The following SEZ6L variants were observed in gnomAD, a reference collection of about 807,000 sequenced individuals.
SEZ6L encodes seizure related 6 homolog like.
In SEZ6L, 37 loss-of-function variants were observed where a neutral mutation model predicts 106.2. The ratio of observed to expected loss-of-function variants is 0.35; its 90% confidence interval spans 0.27 to 0.46. The LOEUF (loss-of-function observed/expected upper bound fraction) is 0.46. Ranked by LOEUF, SEZ6L falls within the 20% of genes least tolerant of loss-of-function variation. The pLI is 1.00. For missense variants in SEZ6L, 1,172 were observed against 1,332.8 expected (o/e 0.88, Z 1.88); for synonymous variants, 541 against 570.4 (o/e 0.95, Z 0.73).
At chr22:26,347,339 A>G (rs897387321) in intron 10 of SEZ6L, among the ~76,000 whole-genome samples, 6 of 152,160 alleles carry the variant, frequency 3.9e-5, no homozygotes, top group African/African-American at 9.7e-5. Context: ...GACATCTGGT[A>G]AGCAGCGGCC....
At chr22:26,350,238 A>G (rs2083230901) in intron 11 of SEZ6L, among the ~76,000 whole-genome samples, 1 of 149,118 alleles carries the variant, frequency 6.7e-6, no homozygotes, top group Non-Finnish European at 1.5e-5. Context: ...ATTTATATGT[A>G]TTTTTTTGAG....
chr22:26,356,695 A>G (rs2083447960), intron 12 of SEZ6L, among the ~76,000 whole-genome samples: 1 of 149,986 alleles, frequency 6.7e-6, no homozygotes. Flanking sequence ...AATAATAATG[A>G]CAATTGCTGC....
chr22:26,180,510 A>T (rs917620391), intron 1 of SEZ6L, among the ~76,000 whole-genome samples: 1 of 152,258 alleles, frequency 6.6e-6, no homozygotes, highest in African/African-American at 2.4e-5. Context: ...GCTATGACTC[A>T]AAAGTGTTTG....
At chr22:26,375,099 G>A (rs549424928) in intron 14 of SEZ6L, among the ~76,000 whole-genome samples, 8 of 152,046 alleles carry the variant, frequency 5.3e-5, no homozygotes, top group Non-Finnish European at 7.4e-5. Flanking sequence ...GAAACCTTGC[G>A]GCTGACCACC....
rs753000331 is a variant in SEZ6L at position 26,189,966 on chromosome 22, G to A, written c.94+20203G>A. ...CAAAAAATTAGCTGGGCGTGGTGGC[G>A]GGCACCTGTGGTCCCAGTTACTCGG... On this transcript the variant is annotated intron_variant, in intron 1 of 16. Coordinates refer to ENST00000248933, the MANE Select transcript of SEZ6L (RefSeq NM_021115.5). 1.5e-4 allele frequency among the ~76,000 whole-genome samples: 23 copies of A among 152,036 alleles called. 1 individual carries two copies. Among genetic ancestry groups the A allele is most frequent in the Admixed American group, 2.6e-4 (4 of 15,262 alleles).
At chr22:26,213,902 T>C (rs2078228944) in intron 1 of SEZ6L, among the ~76,000 whole-genome samples, 1 of 151,972 alleles carries the variant, frequency 6.6e-6, no homozygotes, top group African/African-American at 2.4e-5. Flanking sequence ...GTTTGAGCAA[T>C]AAAATGAGAT....
chr22:26,248,869 G>A (rs564676572), intron 1 of SEZ6L, among the ~76,000 whole-genome samples: 12 of 152,170 alleles, frequency 7.9e-5, no homozygotes, highest in South Asian at 4.1e-4. Context: ...TGGCTGAAGC[G>A]GCTATGCAAG....
intron 9 of SEZ6L, among the ~76,000 whole-genome samples, chr22:26,321,738 C>G (rs2082160499): frequency 6.6e-6 from 1 of 152,148 alleles, no homozygotes; most frequent in African/African-American, 2.4e-5. Flanking sequence ...CTCAGCCCTC[C>G]TAAGTGTTTG....
At chr22:26,219,419 T>C (rs527344721) in intron 1 of SEZ6L, among the ~76,000 whole-genome samples, 2 of 152,216 alleles carry the variant, frequency 1.3e-5, no homozygotes, top group South Asian at 4.2e-4. Context: ...ATATAGACAG[T>C]TTGAAAGAAT....
chr22:26,375,318 T>C (rs1053939919), intron 14 of SEZ6L, among the ~76,000 whole-genome samples: 4 of 152,174 alleles, frequency 2.6e-5, no homozygotes, highest in Admixed American at 2.0e-4. Context: ...AAAATGGGAA[T>C]GGTACGATCA....
At position 26,288,079 on chromosome 22, in the gene SEZ6L, C is replaced by A. The variant is rs112643278; in HGVS notation, c.95-4327C>A. On this transcript the variant is annotated intron_variant, in intron 1 of 16. Transcript: ENST00000248933. ...GCCAGTTGGGGAATCTGTTTTCTTGCATTTCCTTCTGTTCTTTTGACTGTA... is the reference window on the plus strand; with the variant it reads ...GCCAGTTGGGGAATCTGTTTTCTTGAATTTCCTTCTGTTCTTTTGACTGTA... Among the ~76,000 whole-genome samples the A allele has an allele frequency of 3.2e-3, 495 of 152,330 alleles. 5 individuals are homozygous for A. The highest frequency in any genetic ancestry group is 0.01 in the African/African-American group (433 of 41,566).
At chr22:26,343,341 A>T (rs1164837269) in intron 10 of SEZ6L, among the ~76,000 whole-genome samples, 1 of 146,466 alleles carries the variant, frequency 6.8e-6, no homozygotes, top group South Asian at 2.3e-4. Flanking sequence ...AAAAAAAAAA[A>T]ACTGACTGAC....
At chr22:26,287,239 G>A (rs1263287244) in intron 1 of SEZ6L, among the ~76,000 whole-genome samples, 1 of 152,086 alleles carries the variant, frequency 6.6e-6, no homozygotes, top group African/African-American at 2.4e-5. Context: ...CAACATCAGC[G>A]TGCATTTAAG....
intron 1 of SEZ6L, among the ~76,000 whole-genome samples, chr22:26,229,334 G>T (rs1430271664): frequency 1.3e-5 from 2 of 152,142 alleles, no homozygotes; most frequent in Admixed American, 6.5e-5. Flanking sequence ...AACCTTTATT[G>T]AGTGTCTCCT....
At chr22:26,380,211 G>A (rs946845977) in intron 16 of SEZ6L, 55 bp from the exon 17 acceptor site, 7 of 1,571,494 alleles carry the variant, frequency 4.5e-6, no homozygotes, top group Non-Finnish European at 5.3e-6. Flanking sequence ...ATCCCCCTAT[G>A]TATATCACTC....
chr22:26,357,016 A>G (rs2083459191), intron 12 of SEZ6L, among the ~76,000 whole-genome samples: 1 of 151,630 alleles, frequency 6.6e-6, no homozygotes, highest in Middle Eastern at 3.2e-3. Flanking sequence ...CAGTGGCGCA[A>G]TCTTAGCCCA....
chr22:26,377,714 C>T lies in SEZ6L; in HGVS notation c.2984C>T (p.Ser995Phe). The T allele has an allele frequency of 6.2e-7, 1 of 1,614,026 alleles. No individual in the cohort carries two copies. The highest frequency in any genetic ancestry group is 8.5e-7 in the Non-Finnish European group (1 of 1,179,924). ...YSNLRLPLMYSHPYSQITVET... is the reference protein window; with the variant it reads ...YSNLRLPLMYFHPYSQITVET... ...AACCTCCGCCTGCCTCTGATGTACT[C>T]CCACCCCTACAGCCAGATCACCGTG... is the stretch of plus-strand genomic sequence containing the variant. Residue 995 changes from serine (S) to phenylalanine (F), a missense_variant, in exon 16 of 17, where the codon TCC (serine) becomes TTC (phenylalanine). By Grantham distance (155) the Ser-to-Phe change is radical. Around this residue, in one of 4 missense-constraint regions of SEZ6L, gnomAD observed 141 missense variants for 176.0 expected, o/e 0.80. Transcript: ENST00000248933.
chr22:26,185,089 A>G (rs895635004), intron 1 of SEZ6L, among the ~76,000 whole-genome samples: 6 of 152,184 alleles, frequency 3.9e-5, no homozygotes, highest in African/African-American at 1.4e-4. Context: ...GTCCAAACAA[A>G]ACAAAACAAA....
At chr22:26,310,573 T>G in intron 6 of SEZ6L, 97 bp from the exon 7 acceptor site, 6 of 1,340,112 alleles carry the variant, frequency 4.5e-6, no homozygotes, top group Non-Finnish European at 6.2e-6. Flanking sequence ...GATCCGGTAA[T>G]GAGGCTCCAG....
Sources: gnomAD v4.1 joint callset for allele counts (sites outside exome capture counted in the v4.1 genomes callset) on GRCh38, gnomAD v4.1.1 for gene constraint, gnomAD v4.1.1 regional missense constraint, MANE v1.5 for transcripts, NCBI Gene and HGNC (gene_info 2026-07-23, HGNC 2026-07-21) for gene names.